The following RBFOX1 variants were observed in gnomAD, a reference collection of about 807,000 sequenced individuals.
RBFOX1 encodes the protein RNA binding fox-1 homolog 1, also known as RNA binding protein fox-1 homolog 1.
RBFOX1 carries 8 observed loss-of-function variants against 57.7 expected under a neutral mutation model. The observed-to-expected ratio is 0.14, with a 90% CI of 0.08 to 0.25. The LOEUF (loss-of-function observed/expected upper bound fraction) is 0.25, where lower values mean the gene tolerates loss of function less well. RBFOX1 is among the 10% of genes least tolerant of loss of function. The pLI is 1.00. For synonymous variants in RBFOX1, 326 were observed against 222.4 expected (o/e 1.47, Z -4.15); for missense variants, 611 against 548.5 (o/e 1.11, Z -1.14).
At chr16:5,294,644 G>C (rs1312075109) in intron 1 of RBFOX1, among the ~76,000 whole-genome samples, 2 of 152,092 alleles carry the variant, frequency 1.3e-5, no homozygotes, top group African/African-American at 4.8e-5. Flanking sequence ...AACTATTTCT[G>C]AACACCCCTA....
intron 2 of RBFOX1, among the ~76,000 whole-genome samples, chr16:6,594,971 C>G (rs1011873272): frequency 6.6e-6 from 1 of 151,976 alleles, no homozygotes; most frequent in African/African-American, 2.4e-5. Flanking sequence ...GTGTTTATAG[C>G]AGAGACAAGG....
At chr16:5,597,306 T>C (rs191256378) in intron 2 of RBFOX1, among the ~76,000 whole-genome samples, 5 of 140,600 alleles carry the variant, frequency 3.6e-5, no homozygotes, top group Non-Finnish European at 6.1e-5. Context: ...CCGCCCTCTC[T>C]CTTTTGAGAC....
At chr16:7,259,373 G>C (rs1277241014) in intron 4 of RBFOX1, among the ~76,000 whole-genome samples, 1 of 152,022 alleles carries the variant, frequency 6.6e-6, no homozygotes, top group East Asian at 1.9e-4. Flanking sequence ...CAGTCGTTCA[G>C]CACACATCAC....
chr16:6,164,350 T>G (rs2096900467), intron 1 of RBFOX1, among the ~76,000 whole-genome samples: 1 of 152,202 alleles, frequency 6.6e-6, no homozygotes, highest in Non-Finnish European at 1.5e-5. Context: ...ACTCTTCAAG[T>G]GATAGGATTG....
At chr16:5,977,131 C>T (rs1271753688) in intron 4 of RBFOX1, among the ~76,000 whole-genome samples, 10 of 152,068 alleles carry the variant, frequency 6.6e-5, no homozygotes, top group Admixed American at 5.2e-4. Flanking sequence ...AGCTAAATTC[C>T]GGAAACCACT....
chr16:6,472,656 C>A (rs573450223), intron 2 of RBFOX1, among the ~76,000 whole-genome samples: 1 of 150,930 alleles, frequency 6.6e-6, no homozygotes, highest in South Asian at 2.1e-4. Flanking sequence ...TGGAATCTCA[C>A]TTTGTTGCCC....
At chr16:5,708,859 G>A (rs544831738) in intron 3 of RBFOX1, among the ~76,000 whole-genome samples, 6 of 152,258 alleles carry the variant, frequency 3.9e-5, no homozygotes, top group Middle Eastern at 3.4e-3. Flanking sequence ...GAAGAAACAT[G>A]TCTGTCATTA....
chr16:7,266,815 G>A (rs1022348437), intron 4 of RBFOX1, among the ~76,000 whole-genome samples: 3 of 152,166 alleles, frequency 2.0e-5, no homozygotes, highest in Non-Finnish European at 2.9e-5. Flanking sequence ...GATGAACTGG[G>A]ACAGGAATTA....
At chr16:6,193,629 G>A (rs2097161571) in intron 1 of RBFOX1, among the ~76,000 whole-genome samples, 1 of 151,742 alleles carries the variant, frequency 6.6e-6, no homozygotes, top group Admixed American at 6.6e-5. Context: ...AGCATTCAGT[G>A]ACTTGGGCAG....
At chr16:7,276,373 T>C (rs2095440336) in intron 4 of RBFOX1, among the ~76,000 whole-genome samples, 1 of 152,124 alleles carries the variant, frequency 6.6e-6, no homozygotes, top group African/African-American at 2.4e-5. Context: ...AGGACAGATG[T>C]CCAGAAAAAA....
intron 1 of RBFOX1, among the ~76,000 whole-genome samples, chr16:6,215,663 A>G (rs192259315): frequency 1.3e-5 from 2 of 152,148 alleles, no homozygotes; most frequent in East Asian, 3.9e-4. Flanking sequence ...AGATTTTTGC[A>G]GCACATTTTG....
chr16:6,572,759 T>C (rs1360416460), intron 2 of RBFOX1, among the ~76,000 whole-genome samples: 2 of 152,074 alleles, frequency 1.3e-5, no homozygotes, highest in Non-Finnish European at 2.9e-5. Context: ...ACCCAGCTAA[T>C]TTTTTGTGTC....
At chr16:6,431,888 GCTTGCTTGCTTTCTTTCTTT>G (rs1313242020) in intron 2 of RBFOX1, among the ~76,000 whole-genome samples, 10 of 109,938 alleles carry the variant, frequency 9.1e-5, no homozygotes, top group African/African-American at 3.3e-4. Flanking sequence ...AAATATGCTT[GCTTGCTTGCTTTCTTTCTTT>G]CTTTCTTTCT....
chr16:7,253,174 G>A lies in RBFOX1; in HGVS notation c.27+201076G>A, dbSNP rs191162252. ...GATAAAATCTCTTCTCCACTTTCTT[G>A]TTTCTTTGGAAGAAGCAGAGACCAA... On this transcript the variant is annotated intron_variant, in intron 4 of 15. Transcript: ENST00000550418. Among the ~76,000 whole-genome samples the A allele has an allele frequency of 1.2e-3, 187 of 152,222 alleles. 1 individual carries two copies. Among genetic ancestry groups the A allele is most frequent in the South Asian group, 2.5e-3 (12 of 4,812 alleles).
intron 10 of RBFOX1, among the ~76,000 whole-genome samples, chr16:7,618,782 G>A (rs368693060): frequency 3.9e-5 from 6 of 152,176 alleles, no homozygotes; most frequent in African/African-American, 1.4e-4. Flanking sequence ...ATGTAGTTTT[G>A]AAGAACCAAC....
chr16:7,232,561 C>G (rs916732360), intron 4 of RBFOX1, among the ~76,000 whole-genome samples: 5 of 152,046 alleles, frequency 3.3e-5, no homozygotes, highest in African/African-American at 7.2e-5. Context: ...AGATAACAGG[C>G]CAGGCATAAG....
intron 4 of RBFOX1, among the ~76,000 whole-genome samples, chr16:7,424,728 A>C (rs996334428): frequency 1.3e-5 from 2 of 152,250 alleles, no homozygotes; most frequent in Non-Finnish European, 2.9e-5. Context: ...CAGCTTTGAC[A>C]GTTTGGGATC....
intron 1 of RBFOX1, among the ~76,000 whole-genome samples, chr16:5,450,593 C>T (rs1266173038): frequency 6.6e-6 from 1 of 152,102 alleles, no homozygotes; most frequent in East Asian, 1.9e-4. Flanking sequence ...TACTGTTTTG[C>T]TTGGATTTAT....
intron 2 of RBFOX1, among the ~76,000 whole-genome samples, chr16:5,594,098 G>C (rs1446044646): frequency 2.0e-5 from 3 of 151,950 alleles, no homozygotes; most frequent in Non-Finnish European, 4.4e-5. Context: ...GCCATCATTG[G>C]GAACTCATCA....
Sources: gnomAD v4.1 joint callset for allele counts (sites outside exome capture counted in the v4.1 genomes callset) on GRCh38, gnomAD v4.1.1 for gene constraint, MANE v1.5 for transcripts, NCBI Gene and HGNC (gene_info 2026-07-23, HGNC 2026-07-21) for gene names.